Variants in CACNA1E observed in about 807,000 individuals in gnomAD.
CACNA1E encodes the protein calcium voltage-gated channel subunit alpha1 E.
CACNA1E carries 40 observed loss-of-function variants against 259.2 expected under a neutral mutation model. The ratio of observed to expected loss-of-function variants is 0.15; its 90% CI spans 0.12 to 0.20. The LOEUF is 0.20. CACNA1E is among the 10% of genes least tolerant of loss of function. The pLI, the probability that CACNA1E is intolerant of heterozygous loss-of-function variation, is 1.00. For synonymous variants in CACNA1E, 1,104 were observed against 1,138.5 expected, an observed-to-expected ratio of 0.97 and a Z score of 0.61; for missense variants, 1,874 against 3,040.1, an observed-to-expected ratio of 0.62 and a Z score of 9.02.
rs577035526 is a variant in CACNA1E, at chr1:181,476,320, C to T, written c.435-7424C>T. Among the ~76,000 whole-genome samples, 65 of 152,288 alleles carry T rather than the reference C, an allele frequency of 4.3e-4. 1 individual carries two copies. Among genetic ancestry groups the T allele is most frequent in the Non-Finnish European group, 8.8e-5 (6 of 68,014 alleles). On this transcript the variant is annotated intron_variant, in intron 2 of 11. Coordinates refer to the CACNA1E transcript ENST00000524607. The stretch of plus-strand genomic sequence containing the variant: ...TACTAGGTGGGTGTAACCAGCTGCT[C>T]AGTGTAGGAGAGAGTGGGAGAGAGA...
At chr1:181,576,560 A>G (rs969676979) in intron 3 of CACNA1E, among the ~76,000 whole-genome samples, 4 of 152,186 alleles carry the variant, frequency 2.6e-5, no homozygotes, top group Non-Finnish European at 5.9e-5. Flanking sequence ...CTTCTTTAAT[A>G]CTTGAACTAT....
Position 181,788,623 on chromosome 1 carries a change from G to A in CACNA1E, c.5787-1822G>A, listed in dbSNP as rs1661043873. 2.0e-5 allele frequency among the ~76,000 whole-genome samples: 3 copies of A among 152,312 alleles called. 1 individual carries two copies. In the South Asian group the frequency reaches 6.2e-4, roughly 32 times the overall value. On this transcript the variant is annotated intron_variant, in intron 43 of 47. Transcript: ENST00000367573. ...CCAATGAACTAAAAAAGGCCGCCAT[G>A]TCTGGAGTTCAGGGAGCAAAGGGGA... is the stretch of plus-strand genomic sequence containing the variant.
chr1:181,721,659 T>C lies in CACNA1E; in HGVS notation c.1957-99T>C, dbSNP rs1455964660. 6 of 602,590 alleles carry C rather than the reference T, an allele frequency of 1.0e-5. No individual in the cohort carries two copies. The Admixed American group carries it at 1.5e-4, about 15-fold the overall frequency. The allele number at this position is 602,590 out of a possible 1,614,324, so 37.3% of individuals were successfully genotyped here. A position where few individuals can be genotyped will look rare whatever the true frequency, so the allele number is the denominator to read the frequency against. ...CTGGCAAGATTGTCAAGCAAGGGGGTAGATGCAAAAGACCCAGGCCCAGAA... is the reference window on the plus strand; with the variant it reads ...CTGGCAAGATTGTCAAGCAAGGGGGCAGATGCAAAAGACCCAGGCCCAGAA... On this transcript the variant is annotated intron_variant, in intron 15 of 47. Transcript: ENST00000367573.
At chr1:181,638,620 T>C (rs1657452510) in intron 6 of CACNA1E, among the ~76,000 whole-genome samples, 1 of 152,164 alleles carries the variant, frequency 6.6e-6, no homozygotes, top group African/African-American at 2.4e-5. Flanking sequence ...ATGGTTTGGC[T>C]GTGTCCCCGC....
At chr1:181,444,259 A>G (rs77559706) in intron 2 of CACNA1E, among the ~76,000 whole-genome samples, 2 of 152,216 alleles carry the variant, frequency 1.3e-5, no homozygotes, top group East Asian at 3.9e-4. Context: ...GCATGTCCCC[A>G]GGTGGGGCTG....
At chr1:181,720,959 G>T in intron 15 of CACNA1E, 104 bp downstream of exon 15, 1 of 761,850 alleles carries the variant, frequency 1.3e-6, no homozygotes, top group South Asian at 1.6e-5. Context: ...TCCTTTCCAG[G>T]CTCCTCCCAG....
At position 181,721,351 on chromosome 1, in the gene CACNA1E, C is replaced by T. The variant is rs547827462; in HGVS notation, c.1957-407C>T. Among the ~76,000 whole-genome samples the T allele has an allele frequency of 5.6e-4, 85 of 152,282 alleles. 2 individuals are homozygous for T. The South Asian group carries it at 0.013, about 24-fold the overall frequency. On this transcript the variant is annotated intron_variant, in intron 15 of 47. Coordinates refer to ENST00000367573, the MANE Select transcript of CACNA1E (RefSeq NM_001205293.3). The stretch of plus-strand genomic sequence containing the variant: ...CAGAATCTGAGGTTGGACCACAACC[C>T]GTTTCCTGAACTGCAGCCCACAAGG...
intron 2 of CACNA1E, among the ~76,000 whole-genome samples, chr1:181,451,444 G>T (rs1205201122): frequency 6.6e-6 from 1 of 152,222 alleles, no homozygotes; most frequent in Non-Finnish European, 1.5e-5. Context: ...ACAGCATTTT[G>T]AGAGGCTGAG....
chr1:181,713,312 G>A (rs1434099557), intron 8 of CACNA1E, among the ~76,000 whole-genome samples: 1 of 152,108 alleles, frequency 6.6e-6, no homozygotes, highest in Non-Finnish European at 1.5e-5. Context: ...TTGCTATGAG[G>A]TATTTTAACA....
intron 6 of CACNA1E, among the ~76,000 whole-genome samples, chr1:181,634,324 T>C (rs1481679964): frequency 6.6e-6 from 1 of 152,192 alleles, no homozygotes; most frequent in Non-Finnish European, 1.5e-5. Flanking sequence ...GCACAAAGAT[T>C]ATCTAAGGGC....
At chr1:181,454,329 A>G (rs948919572) in intron 2 of CACNA1E, among the ~76,000 whole-genome samples, 3 of 152,218 alleles carry the variant, frequency 2.0e-5, no homozygotes, top group African/African-American at 7.2e-5. Context: ...CCTTCTCTGT[A>G]CATTATTCCT....
Position 181,775,980 on chromosome 1 carries a change from C to T in CACNA1E, c.5140-121C>T, listed in dbSNP as rs962039259. ...GATCCCTGACTATTCCCTGTCCCTG[C>T]ATACCTCTGTTCTGGCTCGTTTGCT... On this transcript the variant is annotated intron_variant, in intron 37 of 47. Transcript: ENST00000367573. The T allele has an allele frequency of 5.8e-6, 5 of 857,580 alleles. No individual in the cohort carries two copies. The Admixed American group carries it at 1.2e-4, about 20-fold the overall frequency. 53.1% of individuals were successfully genotyped at this position (857,580 alleles called of 1,614,324 possible).
At chr1:181,775,401 G>A (rs1186317331) in intron 37 of CACNA1E, among the ~76,000 whole-genome samples, 2 of 152,148 alleles carry the variant, frequency 1.3e-5, no homozygotes, top group South Asian at 2.1e-4. Context: ...CTGTGCTGTC[G>A]TCCTGCCCCT....
At chr1:181,700,507 ACAGTTTCTGCCCTTG>A (rs1652140317) in intron 7 of CACNA1E, among the ~76,000 whole-genome samples, 1 of 152,218 alleles carries the variant, frequency 6.6e-6, no homozygotes, top group Non-Finnish European at 1.5e-5. Context: ...AGCAATCTAC[ACAGTTTCTGCCCTTG>A]CAGAGCTTAC....
At chr1:181,669,803 T>A (rs1350889605) in intron 7 of CACNA1E, among the ~76,000 whole-genome samples, 1 of 152,200 alleles carries the variant, frequency 6.6e-6, no homozygotes, top group Non-Finnish European at 1.5e-5. Context: ...AAGTTTAATA[T>A]TAGCTGAAGA....
At chr1:181,596,058 T>TAGCAAGTGGAGAAGTGGGCGGTG (rs1252346443) in intron 6 of CACNA1E, among the ~76,000 whole-genome samples, 3 of 152,164 alleles carry the variant, frequency 2.0e-5, no homozygotes, top group Non-Finnish European at 4.4e-5. Context: ...TTGGGTGCTT[T>TAGCAAGTGGAGAAGTGGGCGGTG]AGCAAGTGGA....
intron 2 of CACNA1E, among the ~76,000 whole-genome samples, chr1:181,424,538 C>CA (rs778465460): frequency 2.6e-5 from 4 of 152,234 alleles, no homozygotes; most frequent in Non-Finnish European, 5.9e-5. Flanking sequence ...CCGCCTGTGA[C>CA]AAGGAGGGTC....
At chr1:181,465,952 G>A (rs1662125632) in intron 2 of CACNA1E, among the ~76,000 whole-genome samples, 1 of 151,906 alleles carries the variant, frequency 6.6e-6, no homozygotes, top group Admixed American at 6.6e-5. Flanking sequence ...CTTGACCCAG[G>A]GGTGTTATTT....
intron 8 of CACNA1E, among the ~76,000 whole-genome samples, chr1:181,714,346 G>A (rs928805544): frequency 5.3e-5 from 8 of 152,164 alleles, no homozygotes; most frequent in Admixed American, 2.6e-4. Flanking sequence ...GTGGTGGGGA[G>A]CACAGAGCTT....
Sources: gnomAD v4.1 joint callset for allele counts (sites outside exome capture counted in the v4.1 genomes callset) on GRCh38, gnomAD v4.1.1 for gene constraint, MANE v1.5 for transcripts, NCBI Gene and HGNC (gene_info 2026-07-23, HGNC 2026-07-21) for gene names.